PTPN20: variants seen among roughly 807,000 people sequenced by gnomAD.
The protein encoded by PTPN20 is tyrosine-protein phosphatase non-receptor type 20.
PTPN20 carries 9 observed loss-of-function variants against 35.0 expected under a neutral mutation model. The observed-to-expected ratio is 0.26, with a 90% CI of 0.15 to 0.45. PTPN20 has a LOEUF of 0.45. PTPN20 is among the 20% of genes least tolerant of loss of function. The pLI is 1.00. For synonymous variants in PTPN20, 32 were observed against 100.2 expected, an observed-to-expected ratio of 0.32 and a Z score of 4.06; for missense variants, 111 against 312.5, an observed-to-expected ratio of 0.36 and a Z score of 4.86.
chr10:46,945,088 A>T (rs2044309655), intron 4 of PTPN20, among the ~76,000 whole-genome samples: 1 of 138,894 alleles, frequency 7.2e-6, no homozygotes, highest in Admixed American at 6.9e-5. Context: ...AATGGGGAGA[A>T]ATATTAGCTG....
At chr10:46,938,450 A>G (rs1360702094) in intron 2 of PTPN20, among the ~76,000 whole-genome samples, 9 of 24,182 alleles carry the variant, frequency 3.7e-4, no homozygotes, top group African/African-American at 2.3e-3. Flanking sequence ...GGGTCTCCTC[A>G]TTCTGGCTCA....
chr10:46,999,902 C>A lies in PTPN20; in HGVS notation c.1135-10C>A. On this transcript the variant is annotated splice_polypyrimidine_tract_variant and intron_variant, in intron 9 of 10. Transcript: ENST00000374339. ...GTGGATCATACAAAATTACTGTCAT[C>A]TTATTACAGTTCAACATCATGGATA... The A allele has an allele frequency of 6.2e-7, 1 of 1,613,594 alleles. No homozygotes were observed. Among genetic ancestry groups the A allele is most frequent in the South Asian group, 1.1e-5 (1 of 91,054 alleles).
intron 9 of PTPN20, among the ~76,000 whole-genome samples, chr10:46,992,248 G>T (rs2058116874): frequency 6.6e-6 from 1 of 150,672 alleles, no homozygotes; most frequent in Admixed American, 6.6e-5. Context: ...TCAGCCTCCT[G>T]AGTAACTGGG....
At chr10:47,002,404 C>T (rs1427137598), downstream of PTPN20, 1 of 151,922 alleles carries the variant, frequency 6.6e-6, no homozygotes, top group Non-Finnish European at 1.5e-5. Flanking sequence ...TTAAACATGT[C>T]TCTTCTTTAA....
At chr10:46,965,924 C>CTT (rs1411717020) in intron 6 of PTPN20, among the ~76,000 whole-genome samples, 6 of 23,496 alleles carry the variant, frequency 2.6e-4, no homozygotes, top group Admixed American at 7.6e-4. Context: ...ATTGGTTACT[C>CTT]TTTTTTTTTT....
intron 2 of PTPN20, among the ~76,000 whole-genome samples, chr10:46,937,513 G>T (rs1263515170): frequency 4.6e-5 from 7 of 151,492 alleles, no homozygotes; most frequent in African/African-American, 1.5e-4. Flanking sequence ...GTCCCAGTTT[G>T]CTGAGTCTGT....
In PTPN20 at chr10:47,000,892, AG is replaced by A. The variant is rs1306924040; in HGVS notation, c.*154del. ...TATTTTCTTTCTAAAAGCTCCCTGA[AG>A]GGCAATATCATTTGGCTTGGGGTGA... is the stretch of plus-strand genomic sequence containing the variant. On this transcript the variant is annotated 3_prime_UTR_variant, in exon 11 of 11. Coordinates refer to ENST00000374339, the MANE Select transcript of PTPN20 (RefSeq NM_001042357.5). 7.5e-6 allele frequency: 7 copies of A among 931,544 alleles called. No individual in the cohort carries two copies. In the Admixed American group the frequency reaches 1.3e-4, roughly 18 times the overall value. 57.7% of individuals were successfully genotyped at this position (931,544 alleles called of 1,614,324 possible).
intron 2 of PTPN20, among the ~76,000 whole-genome samples, chr10:46,938,157 G>A (rs1481394726): frequency 6.6e-6 from 1 of 150,698 alleles, no homozygotes; most frequent in Non-Finnish European, 1.5e-5. Flanking sequence ...CACCATGTTT[G>A]TCAGGCTGAT....
intron 1 of PTPN20, among the ~76,000 whole-genome samples, chr10:46,919,261 C>T (rs1468785790): frequency 6.6e-6 from 1 of 152,178 alleles, no homozygotes; most frequent in African/African-American, 2.4e-5. Context: ...ATTTGGATGG[C>T]CAGACCATTT....
intron 7 of PTPN20, among the ~76,000 whole-genome samples, chr10:46,976,128 T>C (rs2053505596): frequency 1.5e-5 from 2 of 132,252 alleles, no homozygotes; most frequent in Non-Finnish European, 3.3e-5. Context: ...TTTTTATTCA[T>C]TTATTTTTTT....
At chr10:46,996,164 C>G (rs948072948) in intron 9 of PTPN20, among the ~76,000 whole-genome samples, 2 of 152,110 alleles carry the variant, frequency 1.3e-5, no homozygotes, top group Non-Finnish European at 2.9e-5. Flanking sequence ...ACCAGTACAT[C>G]TTTGGAAATA....
intron 7 of PTPN20, among the ~76,000 whole-genome samples, chr10:46,976,085 G>A (rs2053492499): frequency 7.1e-6 from 1 of 140,670 alleles, no homozygotes; most frequent in African/African-American, 2.6e-5. Context: ...TTGGGACTAT[G>A]GGGATGGGCA....
downstream of PTPN20, among the ~76,000 whole-genome samples, chr10:47,002,771 A>G (rs891015522): frequency 6.6e-6 from 1 of 151,970 alleles, no homozygotes; most frequent in African/African-American, 2.4e-5. Flanking sequence ...CTTTTCAGAA[A>G]TAAACATCTT....
chr10:46,945,150 T>C (rs2044336435), intron 4 of PTPN20, among the ~76,000 whole-genome samples: 1 of 146,094 alleles, frequency 6.8e-6, no homozygotes, highest in Non-Finnish European at 1.5e-5. Context: ...CTGCAGAAGA[T>C]GAGAGGTGGA....
intron 5 of PTPN20, among the ~76,000 whole-genome samples, chr10:46,959,213 A>G (rs1171058047): frequency 7.9e-6 from 1 of 126,598 alleles, no homozygotes; most frequent in Non-Finnish European, 1.7e-5. Context: ...TATAACTGTT[A>G]TATGTTCTTG....
At chr10:46,977,480 T>A (rs1286761879) in intron 7 of PTPN20, among the ~76,000 whole-genome samples, 1 of 152,216 alleles carries the variant, frequency 6.6e-6, no homozygotes, top group Non-Finnish European at 1.5e-5. Flanking sequence ...CATTAATGAC[T>A]TTTCAGTAGT....
At chr10:47,002,461 G>C (rs891038012), downstream of PTPN20, 1 of 151,732 alleles carries the variant, frequency 6.6e-6, no homozygotes, top group Non-Finnish European at 1.5e-5. Flanking sequence ...AGTTTTCCAG[G>C]GAAATTAAAG....
At chr10:46,954,085 GTT>G (rs782056216) in intron 5 of PTPN20, among the ~76,000 whole-genome samples, 4 of 75,710 alleles carry the variant, frequency 5.3e-5, no homozygotes, top group Admixed American at 1.2e-4. Flanking sequence ...TTAGTTTTTA[GTT>G]TTTTTTTTTT....
At chr10:46,937,280 A>G (rs1361536842) in intron 2 of PTPN20, among the ~76,000 whole-genome samples, 14 of 146,400 alleles carry the variant, frequency 9.6e-5, no homozygotes, top group Admixed American at 2.7e-4. Flanking sequence ...GTTTTTCTAT[A>G]TTTAATGTGT....
Sources: allele counts gnomAD v4.1 joint callset (sites outside exome capture counted in the v4.1 genomes callset), GRCh38; gene constraint gnomAD v4.1.1; transcripts MANE v1.5; gene names NCBI Gene and HGNC (gene_info 2026-07-23, HGNC 2026-07-21).